The following FNIP2 variants were observed in gnomAD, a reference collection of about 807,000 sequenced individuals.
FNIP2 encodes folliculin-interacting protein 2.
FNIP2 carries 32 observed loss-of-function variants against 108.7 expected under a neutral mutation model. That is an observed-to-expected ratio of 0.29 (90% CI 0.22 to 0.40). FNIP2 has a LOEUF of 0.40. Ranked by LOEUF, FNIP2 falls within the 10% of genes least tolerant of loss-of-function variation. The pLI is 1.00. For synonymous variants in FNIP2, 480 were observed against 496.7 expected (o/e 0.97, Z 0.45); for missense variants, 1,202 against 1,381.6 (o/e 0.87, Z 2.06).
chr4:158,868,871 T>C lies in FNIP2; in HGVS notation c.2235T>C (p.Cys745=), dbSNP rs777059223. ...AAATGGAGGAACGGGTGAAGGCCTG[T>C]GGCCCCTCCTTGGAGGCCAGTGAGG... The part of the protein sequence containing the change: ...MKKMEERVKA[C]GPSLEASEAA... Residue 745 remains cysteine (C), a synonymous_variant, in exon 13 of 17, where the codon TGT becomes TGC. Transcript: ENST00000264433. This position sits in a 1 kb window ranked among gnomAD's most constrained non-coding sequence, Gnocchi z 4.6. 35 of 1,613,854 alleles carry C rather than the reference T, an allele frequency of 2.2e-5. No homozygotes were observed. The highest frequency in any genetic ancestry group is 2.1e-4 in the South Asian group (19 of 91,080).
Position 158,904,575 on chromosome 4 carries a change from G to GAAAA in FNIP2, c.*35_*38dup. 6.3e-7 allele frequency: 1 copy of GAAAA among 1,581,580 alleles called. No individual in the cohort carries two copies. Among genetic ancestry groups the GAAAA allele is most frequent in the Non-Finnish European group, 8.6e-7 (1 of 1,156,098 alleles). On this transcript the variant is annotated 3_prime_UTR_variant, in exon 17 of 17. Transcript: ENST00000264433. ...AGCTCAGGACAGTTCTTCCTTGGAA[G>GAAAA]AAAAAAATCAAATTCTCAACTGAAG...
At chr4:158,865,336 C>CA (rs991597593) in intron 12 of FNIP2, among the ~76,000 whole-genome samples, 14 of 150,810 alleles carry the variant, frequency 9.3e-5, no homozygotes, top group East Asian at 7.7e-4. Flanking sequence ...ATCCAAGACT[C>CA]AAAAAAAAAT....
intron 1 of FNIP2, among the ~76,000 whole-genome samples, chr4:158,809,655 A>G (rs1393959591): frequency 6.6e-6 from 1 of 152,228 alleles, no homozygotes; most frequent in Non-Finnish European, 1.5e-5. Context: ...GGGACTTGCC[A>G]CACATATTTG....
At chr4:158,777,830 A>AT (rs774227244) in intron 1 of FNIP2, among the ~76,000 whole-genome samples, 1 of 152,124 alleles carries the variant, frequency 6.6e-6, no homozygotes, top group South Asian at 2.1e-4. Flanking sequence ...TTATTTTAAG[A>AT]TTTTTTCAAA....
intron 14 of FNIP2, among the ~76,000 whole-genome samples, chr4:158,884,848 C>T (rs962447875): frequency 1.1e-4 from 16 of 151,868 alleles, no homozygotes; most frequent in Non-Finnish European, 2.1e-4. Context: ...ACTTTAAAAC[C>T]GTCAGCTCTC....
At chr4:158,833,402 A>T (rs775012140) in intron 5 of FNIP2, 126 bp from the exon 6 acceptor site, 4 of 597,164 alleles carry the variant, frequency 6.7e-6, no homozygotes, top group Non-Finnish European at 1.2e-5. Context: ...GACTTTGTTT[A>T]TAAAGAAAAG....
In FNIP2 at chr4:158,873,244, G is replaced by T. The variant is rs540352044; in HGVS notation, c.2949+2775G>T. Among the ~76,000 whole-genome samples, 96 of 152,020 alleles carry T rather than the reference G, an allele frequency of 6.3e-4. 1 individual carries two copies. The highest frequency in any genetic ancestry group is 1.2e-3 in the Non-Finnish European group (84 of 67,998). ...TTTGGTACTCATAATTCTTTTTAGAGAAGGATTTTTAACTGTTTAAAAGCA... is the reference window on the plus strand; with the variant it reads ...TTTGGTACTCATAATTCTTTTTAGATAAGGATTTTTAACTGTTTAAAAGCA... On this transcript the variant is annotated intron_variant, in intron 14 of 16. Coordinates refer to ENST00000264433, the MANE Select transcript of FNIP2 (RefSeq NM_020840.3).
chr4:158,780,122 C>T (rs1171287684), intron 1 of FNIP2, among the ~76,000 whole-genome samples: 2 of 151,580 alleles, frequency 1.3e-5, no homozygotes, highest in African/African-American at 4.8e-5. Flanking sequence ...GTGGTGGAAT[C>T]GCTTGAACCC....
intron 1 of FNIP2, among the ~76,000 whole-genome samples, chr4:158,778,879 T>C (rs946264330): frequency 6.6e-6 from 1 of 152,232 alleles, no homozygotes; most frequent in Non-Finnish European, 1.5e-5. Context: ...AAGATTCTTA[T>C]GCCATAAGCT....
Position 158,869,122 on chromosome 4 carries a change from C to A in FNIP2, c.2486C>A (p.Thr829Lys), listed in dbSNP as rs184078227. Reference sequence around the variant, plus strand: ...ACAGCCTCCCACGGTGCAGGAGGAACGGGAGGGAGGAGGCTGGAGGCCACT... The same window carrying A: ...ACAGCCTCCCACGGTGCAGGAGGAAAGGGAGGGAGGAGGCTGGAGGCCACT... ...LGTASHGAGG[T>K]GGRRLEATRG... is the part of the protein sequence containing the mutation. Residue 829 changes from threonine to lysine, a missense_variant, in exon 13 of 17, where the codon ACG becomes AAG. Physicochemically the swap from Thr to Lys is moderately conservative, Grantham distance 78 (BLOSUM62 -1). This residue lies in a region of FNIP2 where 878 missense variants were observed against 990.3 expected (regional missense o/e 0.89). Coordinates refer to ENST00000264433, the MANE Select transcript of FNIP2 (RefSeq NM_020840.3). 4 of 1,613,764 alleles carry A rather than the reference C, an allele frequency of 2.5e-6. No homozygotes were observed. Among genetic ancestry groups the A allele is most frequent in the Middle Eastern group, 1.6e-4 (1 of 6,062 alleles).
chr4:158,870,356 T>C lies in FNIP2; in HGVS notation c.2836T>C (p.Ser946Pro). 6.2e-7 allele frequency: 1 copy of C among 1,614,044 alleles called. No individual in the cohort carries two copies. Among genetic ancestry groups the C allele is most frequent in the Non-Finnish European group, 8.5e-7 (1 of 1,179,872 alleles). ...STQNVRNFGRSLLAGYCPTYM... is the reference protein window; with the variant it reads ...STQNVRNFGRPLLAGYCPTYM... ...CCAGAATGTAAGGAACTTTGGCCGC[T>C]CACTTCTGGCGGGCTACTGCCCCAC... Residue 946 changes from serine to proline, a missense_variant, in exon 14 of 17, where the codon TCA becomes CCA. Ser to Pro is a moderately conservative substitution (Grantham distance 74). Transcript: ENST00000264433.
chr4:158,774,739 G>A lies in FNIP2; in HGVS notation c.107+5420G>A, dbSNP rs2126404254. 2.0e-5 allele frequency among the ~76,000 whole-genome samples: 3 copies of A among 152,294 alleles called. 1 individual carries two copies. The Middle Eastern group carries it at 0.01, about 518-fold the overall frequency. On this transcript the variant is annotated intron_variant, in intron 1 of 16. Coordinates refer to ENST00000264433, the MANE Select transcript of FNIP2 (RefSeq NM_020840.3). The stretch of plus-strand genomic sequence containing the variant: ...AGTGTAGTCTTCCTGGGGGCTCAGA[G>A]TACAGTTAGGAGCTGCATGCAGCTC...
intron 14 of FNIP2, among the ~76,000 whole-genome samples, chr4:158,883,317 C>G (rs1781808166): frequency 6.6e-6 from 1 of 152,138 alleles, no homozygotes; most frequent in Non-Finnish European, 1.5e-5. Context: ...TCTCGGCTCA[C>G]TGCAAGCTCC....
chr4:158,839,797 TTTC>T (rs574010518), intron 7 of FNIP2, among the ~76,000 whole-genome samples: 62 of 152,250 alleles, frequency 4.1e-4, no homozygotes, highest in South Asian at 2.3e-3. Context: ...ACTTCCTTAC[TTTC>T]TGGCAAGACA....
In FNIP2 at chr4:158,895,824, A is replaced by G; in HGVS notation, c.3225A>G (p.Gly1075=). Residue 1075 remains glycine (G), a synonymous_variant, in exon 16 of 17, where the codon GGA becomes GGG. Coordinates refer to ENST00000264433, the MANE Select transcript of FNIP2 (RefSeq NM_020840.3). ...AAATGCTATCTGAATATCTCCGGGGACACACACGAGTCCATGTGAAAGAAT... is the reference window on the plus strand; with the variant it reads ...AAATGCTATCTGAATATCTCCGGGGGCACACACGAGTCCATGTGAAAGAAT... ...KSKMLSEYLR[G]HTRVHVKELG... 1 of 1,613,308 alleles carries G rather than the reference A, an allele frequency of 6.2e-7. No individual in the cohort carries two copies. Among genetic ancestry groups the G allele is most frequent in the Admixed American group, 1.7e-5 (1 of 59,910 alleles).
rs1729976801 is a variant in FNIP2 at position 158,907,883 on chromosome 4, A to G, written c.*3339A>G. On this transcript the variant is annotated 3_prime_UTR_variant, in exon 17 of 17. Transcript: ENST00000264433. ...ATTTCAAAAACGAGAAAATTCTGGA[A>G]TTTGTCATTTGAAGCTCCATAAGAG... The G allele has an allele frequency of 6.6e-6, 1 of 152,192 alleles. No homozygotes were observed. Among genetic ancestry groups the G allele is most frequent in the African/African-American group, 2.4e-5 (1 of 41,452 alleles). 9.4% of individuals were successfully genotyped at this position (152,192 alleles called of 1,614,324 possible).
chr4:158,879,472 C>T (rs1055719284), intron 14 of FNIP2, among the ~76,000 whole-genome samples: 1 of 150,326 alleles, frequency 6.7e-6, no homozygotes. Flanking sequence ...ATGGCTTTTT[C>T]AGGGAACTGA....
rs976892813 is a variant in FNIP2, at chr4:158,869,179, C to A, written c.2543C>A (p.Pro848His). The A allele has an allele frequency of 6.2e-7, 1 of 1,614,066 alleles. No individual in the cohort carries two copies. The highest frequency in any genetic ancestry group is 1.1e-5 in the South Asian group (1 of 91,088). ...TTGTATGTGAAGGCTGCGGAAGGAC[C>A]TGTGCTGGAGCCTGTTGCCCCCAGG... ...RGLYVKAAEGPVLEPVAPRCV... is the reference protein window; with the variant it reads ...RGLYVKAAEGHVLEPVAPRCV... The change falls in exon 13 of 17, where the codon CCT (proline) becomes CAT (histidine). Residue 848 changes from proline (P) to histidine (H), a missense_variant. Around this residue, in one of 5 missense-constraint regions of FNIP2, gnomAD observed 878 missense variants for 990.3 expected, o/e 0.89. Coordinates refer to ENST00000264433, the MANE Select transcript of FNIP2 (RefSeq NM_020840.3).
intron 8 of FNIP2, among the ~76,000 whole-genome samples, chr4:158,858,629 G>T (rs1307945400): frequency 6.6e-6 from 1 of 152,070 alleles, no homozygotes; most frequent in Non-Finnish European, 1.5e-5. Flanking sequence ...AAGTAATCCT[G>T]GAAGTACCAG....
Sources: gnomAD v4.1 joint callset for allele counts (sites outside exome capture counted in the v4.1 genomes callset) on GRCh38, gnomAD v4.1.1 for gene constraint, gnomAD v4.1.1 regional missense constraint, Gnocchi (gnomAD v3.1) non-coding constraint, MANE v1.5 for transcripts, NCBI Gene and HGNC (gene_info 2026-07-23, HGNC 2026-07-21) for gene names.